Variants in RAB3GAP2 observed in about 807,000 individuals in gnomAD.
RAB3GAP2 encodes the protein RAB3 GTPase activating non-catalytic protein subunit 2.
A neutral mutation model predicts 185.3 loss-of-function variants in RAB3GAP2; 87 were observed. The observed-to-expected ratio is 0.47, with a 90% CI of 0.39 to 0.56. The LOEUF is 0.56. RAB3GAP2 is among the 20% of genes least tolerant of loss of function. RAB3GAP2 has a pLI of 0.00. For synonymous variants in RAB3GAP2, 554 were observed against 576.1 expected, an observed-to-expected ratio of 0.96 and a Z score of 0.55; for missense variants, 1,492 against 1,638.2, an observed-to-expected ratio of 0.91 and a Z score of 1.54.
At chr1:220,178,304 A>G (rs1658334520) in intron 21 of RAB3GAP2, among the ~76,000 whole-genome samples, 1 of 152,228 alleles carries the variant, frequency 6.6e-6, no homozygotes, top group East Asian at 1.9e-4. Context: ...GTGATTTCTT[A>G]GACACTAAAG....
intron 21 of RAB3GAP2, among the ~76,000 whole-genome samples, chr1:220,180,181 A>G (rs554214982): frequency 1.3e-5 from 2 of 152,094 alleles, no homozygotes; most frequent in Non-Finnish European, 2.9e-5. Flanking sequence ...AAAAGAGGGA[A>G]GTCTATAGTA....
At chr1:220,157,238 A>G in intron 31 of RAB3GAP2, 32 bp downstream of exon 31, 1 of 1,580,656 alleles carries the variant, frequency 6.3e-7, no homozygotes. Flanking sequence ...CTGCAACTCC[A>G]AAATAGCTCT....
intron 28 of RAB3GAP2, among the ~76,000 whole-genome samples, chr1:220,161,367 C>A (rs1014185013): frequency 5.9e-5 from 9 of 152,258 alleles, no homozygotes; most frequent in Non-Finnish European, 1.2e-4. Flanking sequence ...AGTGGTAATT[C>A]TCTTAGCATC....
intron 13 of RAB3GAP2, among the ~76,000 whole-genome samples, chr1:220,192,137 C>T (rs1658635482): frequency 1.3e-5 from 2 of 152,208 alleles, no homozygotes; most frequent in Non-Finnish European, 2.9e-5. Context: ...AGTACAGCTT[C>T]GTCTTCGTAT....
chr1:220,171,833 C>G, intron 23 of RAB3GAP2, 56 bp downstream of exon 23: 1 of 1,608,442 alleles, frequency 6.2e-7, no homozygotes, highest in Non-Finnish European at 8.5e-7. Context: ...AAAAGGAAAG[C>G]ATCCCCTTAG....
At chr1:220,197,117 G>A (rs1487014791) in intron 9 of RAB3GAP2, among the ~76,000 whole-genome samples, 2 of 151,642 alleles carry the variant, frequency 1.3e-5, no homozygotes, top group Non-Finnish European at 2.9e-5. Flanking sequence ...CTCCCCGAAT[G>A]GCTGGGATTA....
At chr1:220,209,038 T>C (rs1659029278) in intron 7 of RAB3GAP2, among the ~76,000 whole-genome samples, 1 of 152,086 alleles carries the variant, frequency 6.6e-6, no homozygotes, top group South Asian at 2.1e-4. Flanking sequence ...TTTGTACTAG[T>C]CCTTTCTCTC....
At chr1:220,240,263 A>G (rs1239797574) in intron 1 of RAB3GAP2, among the ~76,000 whole-genome samples, 1 of 152,220 alleles carries the variant, frequency 6.6e-6, no homozygotes, top group African/African-American at 2.4e-5. Flanking sequence ...ACAGCGTTCC[A>G]GCAATAAGGA....
At chr1:220,270,574 C>T (rs1296203104) in intron 1 of RAB3GAP2, among the ~76,000 whole-genome samples, 1 of 152,178 alleles carries the variant, frequency 6.6e-6, no homozygotes, top group Non-Finnish European at 1.5e-5. Context: ...AGTTACAATG[C>T]CCATCACCAG....
chr1:220,241,530 A>G (rs2221833), intron 1 of RAB3GAP2, among the ~76,000 whole-genome samples: 69,676 of 151,854 alleles, frequency 0.46, 18,067 homozygotes, highest in African/African-American at 0.71. Flanking sequence ...TAGGGGATTC[A>G]GCAAATTTTA....
chr1:220,252,015 G>A (rs1372837918), intron 1 of RAB3GAP2, among the ~76,000 whole-genome samples: 2 of 151,968 alleles, frequency 1.3e-5, no homozygotes, highest in African/African-American at 4.8e-5. Context: ...AGCTGGACAT[G>A]GTGGCACATG....
intron 1 of RAB3GAP2, among the ~76,000 whole-genome samples, chr1:220,270,620 C>T (rs188126708): frequency 7.4e-4 from 113 of 152,324 alleles, no homozygotes; most frequent in Non-Finnish European, 1.4e-3. Context: ...AACTCCTTAA[C>T]GTCTTTCTAA....
chr1:220,213,894 A>G lies in RAB3GAP2; in HGVS notation c.266T>C (p.Met89Thr). ...AGCTTTTTGCTCTCGAGCTATCACC[A>G]TAAGATCATTGGTTGGAGATAAGGA... Reference protein sequence around the residue: ...VLSLSPTNDLMVIAREQKAVF... With the variant: ...VLSLSPTNDLTVIAREQKAVF... The change falls in exon 3 of 35, where the codon ATG becomes ACG. Residue 89 changes from methionine to threonine, a missense_variant. This residue lies in a region of RAB3GAP2 where 177 missense variants were observed against 160.6 expected (regional missense o/e 1.10). Transcript: ENST00000358951. 6.2e-7 allele frequency: 1 copy of G among 1,613,552 alleles called. No individual in the cohort carries two copies. The highest frequency in any genetic ancestry group is 8.5e-7 in the Non-Finnish European group (1 of 1,179,558).
intron 1 of RAB3GAP2, among the ~76,000 whole-genome samples, chr1:220,236,445 G>C (rs1359137620): frequency 6.6e-6 from 1 of 151,994 alleles, no homozygotes; most frequent in Non-Finnish European, 1.5e-5. Flanking sequence ...CAAAGTGCTG[G>C]GATTATAGGC....
chr1:220,149,468 A>C lies in RAB3GAP2; in HGVS notation c.*1783T>G, dbSNP rs1381669293. 1 of 152,206 alleles carries C rather than the reference A, an allele frequency of 6.6e-6. No individual in the cohort carries two copies. Among genetic ancestry groups the C allele is most frequent in the South Asian group, 2.1e-4 (1 of 4,836 alleles). The allele number at this position is 152,206 out of a possible 1,614,324, so 9.4% of individuals were successfully genotyped here. ...ATTCTTTAAAAATACCTATAACTCC[A>C]AGTTTCTTTGACTAGCCTCCTTAAG... is the stretch of plus-strand genomic sequence containing the variant. On this transcript the variant is annotated 3_prime_UTR_variant, in exon 35 of 35. Transcript: ENST00000358951.
chr1:220,262,484 C>T (rs1660159609), intron 1 of RAB3GAP2, among the ~76,000 whole-genome samples: 1 of 152,172 alleles, frequency 6.6e-6, no homozygotes, highest in Non-Finnish European at 1.5e-5. Flanking sequence ...TTCTCCCTTT[C>T]CTCAGCCTCT....
chr1:220,227,206 T>A (rs1159940942), intron 2 of RAB3GAP2, among the ~76,000 whole-genome samples: 2 of 152,170 alleles, frequency 1.3e-5, no homozygotes, highest in African/African-American at 2.4e-5. Flanking sequence ...TATTTAAAGC[T>A]CCTAAGCCTA....
chr1:220,149,763 T>C lies in RAB3GAP2; in HGVS notation c.*1488A>G, dbSNP rs1407979010. 6.6e-6 allele frequency: 1 copy of C among 152,194 alleles called. No individual in the cohort carries two copies. Among genetic ancestry groups the C allele is most frequent in the Non-Finnish European group, 1.5e-5 (1 of 68,038 alleles). The allele number at this position is 152,194 out of a possible 1,614,324, so 9.4% of individuals were successfully genotyped here. The stretch of plus-strand genomic sequence containing the variant: ...CATCTTAACCATTTATCTTGTAAGA[T>C]TTCAAGTTTGATAGTTACTTAACAG... On this transcript the variant is annotated 3_prime_UTR_variant, in exon 35 of 35. Coordinates refer to ENST00000358951, the MANE Select transcript of RAB3GAP2 (RefSeq NM_012414.4).
intron 17 of RAB3GAP2, among the ~76,000 whole-genome samples, chr1:220,187,912 G>A (rs1658535106): frequency 6.6e-6 from 1 of 152,086 alleles, no homozygotes; most frequent in Admixed American, 6.6e-5. Flanking sequence ...TAGACAGTCA[G>A]AAATATAGCT....
Sources: allele counts gnomAD v4.1 joint callset (sites outside exome capture counted in the v4.1 genomes callset), GRCh38; gene constraint gnomAD v4.1.1; regional missense constraint gnomAD v4.1.1; transcripts MANE v1.5; gene names NCBI Gene and HGNC (gene_info 2026-07-23, HGNC 2026-07-21).